The following STAU1 variants were observed in gnomAD, a reference collection of about 807,000 sequenced individuals.
The protein encoded by STAU1 is staufen double-stranded RNA binding protein 1, also known as double-stranded RNA-binding protein Staufen homolog 1.
Under a neutral mutation model 62.9 loss-of-function variants are expected in STAU1, and 13 were observed. That is an observed-to-expected ratio of 0.21 (90% CI 0.13 to 0.33). The LOEUF (loss-of-function observed/expected upper bound fraction) is 0.33, where lower values mean the gene tolerates loss of function less well. Among genes scored for constraint, STAU1 ranks in the 10% least tolerant of loss-of-function variants. STAU1 has a pLI of 1.00. For synonymous variants in STAU1, 269 were observed against 265.1 expected (o/e 1.01, Z -0.14); for missense variants, 571 against 712.1 (o/e 0.80, Z 2.25).
At chr20:49,153,605 G>C (rs570061390) in intron 4 of STAU1, among the ~76,000 whole-genome samples, 72 of 149,750 alleles carry the variant, frequency 4.8e-4, no homozygotes, top group African/African-American at 1.7e-3. Flanking sequence ...CAGCTATTCG[G>C]GAGGCTGAGA....
intron 6 of STAU1, among the ~76,000 whole-genome samples, chr20:49,131,176 T>C (rs2092740013): frequency 6.6e-6 from 1 of 152,148 alleles, no homozygotes. Context: ...CCTTTAAACA[T>C]GTCAATGTCA....
At chr20:49,168,279 C>T (rs1161955135) in intron 2 of STAU1, among the ~76,000 whole-genome samples, 1 of 151,994 alleles carries the variant, frequency 6.6e-6, no homozygotes, top group East Asian at 1.9e-4. Flanking sequence ...CAGCATTTCG[C>T]CAGGTTGGCC....
At chr20:49,116,599 G>A (rs1450352958) in intron 12 of STAU1, among the ~76,000 whole-genome samples, 6 of 151,884 alleles carry the variant, frequency 4.0e-5, no homozygotes, top group South Asian at 2.1e-4. Flanking sequence ...TCAGCCTCCC[G>A]CAGTGCTGGG....
chr20:49,126,495 G>A (rs1201734265), intron 6 of STAU1, among the ~76,000 whole-genome samples: 1 of 143,102 alleles, frequency 7.0e-6, no homozygotes, highest in Non-Finnish European at 1.5e-5. Context: ...TTAAGCCCAG[G>A]AGATCAAGGC....
intron 3 of STAU1, among the ~76,000 whole-genome samples, chr20:49,159,842 A>C (rs1399040516): frequency 6.6e-6 from 1 of 152,252 alleles, no homozygotes; most frequent in Non-Finnish European, 1.5e-5. Context: ...GAATACAAGC[A>C]TGAGCCACTG....
At chr20:49,143,193 T>G (rs2093048298) in intron 5 of STAU1, among the ~76,000 whole-genome samples, 1 of 152,106 alleles carries the variant, frequency 6.6e-6, no homozygotes, top group African/African-American at 2.4e-5. Context: ...CCATTCCCAG[T>G]AAAATGAGGA....
intron 13 of STAU1, 83 bp from the exon 14 acceptor site, chr20:49,114,976 A>G (rs1669036687): frequency 1.4e-6 from 2 of 1,427,844 alleles, no homozygotes; most frequent in African/African-American, 1.4e-5. Context: ...AGAAATTGGC[A>G]AACATCAGGA....
At chr20:49,131,187 T>G (rs1008632484) in intron 6 of STAU1, among the ~76,000 whole-genome samples, 13 of 152,164 alleles carry the variant, frequency 8.5e-5, no homozygotes, top group African/African-American at 3.1e-4. Flanking sequence ...GTCAATGTCA[T>G]GAAACACAGA....
chr20:49,161,867 A>AC (rs1405840705), intron 3 of STAU1, among the ~76,000 whole-genome samples: 3 of 152,218 alleles, frequency 2.0e-5, no homozygotes, highest in Admixed American at 2.0e-4. Context: ...GTCTTTTCTG[A>AC]ACCAGTTGAA....
At chr20:49,135,748 A>G (rs1349492444) in intron 6 of STAU1, 85 bp downstream of exon 6, 9 of 973,968 alleles carry the variant, frequency 9.2e-6, no homozygotes, top group Admixed American at 4.9e-5. Context: ...GATTATTCCA[A>G]TGATATTTAG....
intron 5 of STAU1, among the ~76,000 whole-genome samples, chr20:49,145,819 G>A (rs531177594): frequency 2.0e-3 from 307 of 151,904 alleles, no homozygotes; most frequent in African/African-American, 6.9e-3. Context: ...TTGAATCCAG[G>A]ACTTCAAGGC....
At chr20:49,165,948 A>G in intron 3 of STAU1, 49 bp downstream of exon 3, 7 of 1,590,936 alleles carry the variant, frequency 4.4e-6, no homozygotes, top group Non-Finnish European at 6.0e-6. Context: ...ATCAGAAAAC[A>G]GGGTAAGAAA....
chr20:49,151,535 C>A, intron 5 of STAU1, 47 bp downstream of exon 5: 6 of 1,496,746 alleles, frequency 4.0e-6, no homozygotes, highest in Non-Finnish European at 5.3e-6. Flanking sequence ...TCCCCACTAC[C>A]CTCCTACCCT....
intron 5 of STAU1, among the ~76,000 whole-genome samples, chr20:49,142,339 C>T (rs968679800): frequency 2.6e-5 from 4 of 152,190 alleles, no homozygotes; most frequent in Admixed American, 2.0e-4. Context: ...CCACCCACCT[C>T]GGCCTCCCAA....
the STAU1 span, among the ~76,000 whole-genome samples, chr20:49,203,406 G>T: frequency 2.0e-5 from 3 of 152,186 alleles, no homozygotes; most frequent in East Asian, 5.8e-4. Flanking sequence ...GAAACCAAAA[G>T]TGATCTCTTT....
intron 5 of STAU1, among the ~76,000 whole-genome samples, chr20:49,147,435 C>T (rs2093152515): frequency 6.6e-6 from 1 of 152,192 alleles, no homozygotes; most frequent in South Asian, 2.1e-4. Context: ...CAATCACATG[C>T]TCCACAAATA....
At chr20:49,214,483 A>T in the STAU1 span, among the ~76,000 whole-genome samples, 1 of 147,472 alleles carries the variant, frequency 6.8e-6, no homozygotes, top group Non-Finnish European at 1.5e-5. Context: ...GTGCCATTGC[A>T]TTACAGCCTG....
the STAU1 span, chr20:49,210,494 T>C: frequency 2.0e-5 from 9 of 455,890 alleles, no homozygotes; most frequent in Non-Finnish European, 4.0e-5. Flanking sequence ...CTTCTCCTCC[T>C]TGTTTCTGGT....
At position 49,174,621 on chromosome 20, in the gene STAU1, C is replaced by T. The variant is rs188444320; in HGVS notation, c.-159-352G>A. On this transcript the variant is annotated intron_variant, in intron 1 of 13. Coordinates refer to ENST00000371856, the MANE Select transcript of STAU1 (RefSeq NM_017453.4). ...CTGTAATCCCAGCACTTTGGAAGGC[C>T]GAGGTGGGAAATTACGAGGTTAAGA... 3.6e-3 allele frequency among the ~76,000 whole-genome samples: 548 copies of T among 151,334 alleles called. 3 individuals carry two copies. Among genetic ancestry groups the T allele is most frequent in the African/African-American group, 0.013 (530 of 41,206 alleles).
Sources: allele counts gnomAD v4.1 joint callset (sites outside exome capture counted in the v4.1 genomes callset), GRCh38; gene constraint gnomAD v4.1.1; transcripts MANE v1.5; gene names NCBI Gene and HGNC (gene_info 2026-07-23, HGNC 2026-07-21).